Variants in KLF12 observed in about 807,000 individuals in gnomAD.
KLF12 encodes KLF transcription factor 12.
In KLF12, 9 loss-of-function variants were observed where a neutral mutation model predicts 37.8. The ratio of observed to expected loss-of-function variants is 0.24; its 90% CI spans 0.14 to 0.42. The LOEUF (loss-of-function observed/expected upper bound fraction) is 0.42. Among genes scored for constraint, KLF12 ranks in the 10% least tolerant of loss-of-function variants. KLF12 has a pLI of 1.00. For missense variants in KLF12, 411 were observed against 516.0 expected (o/e 0.80, Z 1.97); for synonymous variants, 208 against 202.1 (o/e 1.03, Z -0.25).
chr13:74,264,312 G>C, the KLF12 span, among the ~76,000 whole-genome samples: 1 of 152,168 alleles, frequency 6.6e-6, no homozygotes, highest in South Asian at 2.1e-4. Context: ...CTTAAGCTTA[G>C]GGAACTTTAC....
chr13:74,202,691 T>C, the KLF12 span, among the ~76,000 whole-genome samples: 1 of 152,122 alleles, frequency 6.6e-6, no homozygotes, highest in Non-Finnish European at 1.5e-5. Flanking sequence ...ATAGATCAGC[T>C]CCCTAACCCC....
rs569734707 is a variant in KLF12, at chr13:74,082,678, C to T, written c.-32+51061G>A. ...TTGTATAAGATGAGTATCTAGTTTGCTATTTCTGGCAAAAGGGCAGGGAAC... is the reference window on the plus strand; with the variant it reads ...TTGTATAAGATGAGTATCTAGTTTGTTATTTCTGGCAAAAGGGCAGGGAAC... On this transcript the variant is annotated intron_variant, in intron 1 of 7. Coordinates refer to ENST00000377669, the MANE Select transcript of KLF12 (RefSeq NM_007249.5). Among the ~76,000 whole-genome samples the T allele has an allele frequency of 2.7e-3, 409 of 152,206 alleles. 1 individual carries two copies. Among genetic ancestry groups the T allele is most frequent in the Non-Finnish European group, 5.1e-3 (346 of 68,014 alleles).
At chr13:73,812,406 G>A (rs1594119994) in intron 5 of KLF12, among the ~76,000 whole-genome samples, 2 of 132,338 alleles carry the variant, frequency 1.5e-5, no homozygotes, top group East Asian at 2.0e-4. Flanking sequence ...AACTATGTAA[G>A]GTGAGGAATG....
At chr13:73,871,649 A>G (rs976871911) in intron 3 of KLF12, among the ~76,000 whole-genome samples, 1 of 151,938 alleles carries the variant, frequency 6.6e-6, no homozygotes, top group African/African-American at 2.4e-5. Flanking sequence ...TCTGAACACA[A>G]TTTTCTCCCA....
At chr13:73,953,970 C>CTTTTTTTTTTTTT (rs67945624) in intron 2 of KLF12, among the ~76,000 whole-genome samples, 3 of 88,534 alleles carry the variant, frequency 3.4e-5, no homozygotes, top group Non-Finnish European at 2.2e-5. Context: ...TTTTTTCTTT[C>CTTTTTTTTTTTTT]TTTTTTTTTT....
At chr13:74,057,555 A>G (rs1370604184) in intron 1 of KLF12, among the ~76,000 whole-genome samples, 1 of 152,248 alleles carries the variant, frequency 6.6e-6, no homozygotes, top group African/African-American at 2.4e-5. Flanking sequence ...AATTTTGACC[A>G]TATCAATCAG....
intron 3 of KLF12, among the ~76,000 whole-genome samples, chr13:73,923,443 T>C (rs184902215): frequency 7.9e-5 from 12 of 152,314 alleles, no homozygotes; most frequent in Admixed American, 3.9e-4. Context: ...AGAATGTATA[T>C]GTATCTACTA....
At position 74,095,378 on chromosome 13, in the gene KLF12, C is replaced by T. The variant is rs556867994; in HGVS notation, c.-32+38361G>A. On this transcript the variant is annotated intron_variant, in intron 1 of 7. Transcript: ENST00000377669. ...TTGTTACAGTGAATACTTGTAGTGC[C>T]TTTTTTATCGTATTTTTTTTTCCTT... 4.5e-5 allele frequency among the ~76,000 whole-genome samples: 6 copies of T among 134,798 alleles called. No individual in the cohort carries two copies. The South Asian group carries it at 1.6e-3, about 35-fold the overall frequency. 88.4% of individuals were successfully genotyped at this position (134,798 alleles called of 152,430 possible). A position where few individuals can be genotyped will look rare whatever the true frequency, so the allele number is the denominator to read the frequency against.
the KLF12 span, among the ~76,000 whole-genome samples, chr13:74,187,304 A>G: frequency 6.6e-6 from 1 of 152,060 alleles, no homozygotes; most frequent in African/African-American, 2.4e-5. Flanking sequence ...AGCCTGGGTG[A>G]CAGAGGGAGA....
chr13:73,811,887 C>T (rs1254373143), intron 5 of KLF12, among the ~76,000 whole-genome samples: 4 of 152,118 alleles, frequency 2.6e-5, no homozygotes, highest in Non-Finnish European at 5.9e-5. Context: ...CAGACATACA[C>T]TTATGCTGTG....
chr13:73,978,066 G>A (rs1157013114), intron 2 of KLF12, among the ~76,000 whole-genome samples: 5 of 152,124 alleles, frequency 3.3e-5, no homozygotes, highest in African/African-American at 1.2e-4. Flanking sequence ...GTTCAAAGAT[G>A]ATTTTTTTAG....
At chr13:74,181,458 G>A in the KLF12 span, among the ~76,000 whole-genome samples, 10 of 151,204 alleles carry the variant, frequency 6.6e-5, no homozygotes, top group East Asian at 1.2e-3. Flanking sequence ...GGAGGCAGGC[G>A]GATCACTTGA....
intron 1 of KLF12, among the ~76,000 whole-genome samples, chr13:74,011,982 T>C (rs1331696710): frequency 1.3e-5 from 2 of 152,196 alleles, no homozygotes; most frequent in Non-Finnish European, 2.9e-5. Context: ...TTTCAAACCC[T>C]TGTATGACAC....
In KLF12 at chr13:73,692,450, C is replaced by T. The variant is rs1790752004; in HGVS notation, c.*3040G>A. The T allele has an allele frequency of 6.6e-6, 1 of 152,586 alleles. No homozygotes were observed. The highest frequency in any genetic ancestry group is 2.4e-5 in the African/African-American group (1 of 41,442). 9.5% of individuals were successfully genotyped at this position (152,586 alleles called of 1,614,324 possible). On this transcript the variant is annotated 3_prime_UTR_variant, in exon 8 of 8. Transcript: ENST00000377669. ...TATAAGTTCCCAACCATGCACATAT[C>T]CCCAGCTGCAAACTGAACAGCTTCA...
In KLF12 at chr13:73,817,349, C is replaced by CAA. The variant is rs71199824; in HGVS notation, c.671-4064_671-4063dup. On this transcript the variant is annotated intron_variant, in intron 4 of 7. Transcript: ENST00000377669. Reference sequence around the variant, plus strand: ...AAAAAGAAAAGAAAAAAAAGAAAAACAAAAAAAAAAAAGAAAGAAAAAGAC... The same window carrying CAA: ...AAAAAGAAAAGAAAAAAAAGAAAAACAAAAAAAAAAAAAAGAAAGAAAAAGAC... Among the ~76,000 whole-genome samples, 59 of 132,542 alleles carry CAA rather than the reference C, an allele frequency of 4.5e-4. 1 individual carries two copies. In the East Asian group the frequency reaches 7.3e-3, roughly 16 times the overall value. The allele number at this position is 132,542 out of a possible 152,430, so 87.0% of individuals were successfully genotyped here.
the KLF12 span, among the ~76,000 whole-genome samples, chr13:74,278,687 C>A: frequency 1.3e-5 from 2 of 152,176 alleles, no homozygotes; most frequent in African/African-American, 2.4e-5. Context: ...CACCCGCTGC[C>A]TTTTCTCACC....
chr13:74,242,433 T>C, the KLF12 span, among the ~76,000 whole-genome samples: 1 of 152,216 alleles, frequency 6.6e-6, no homozygotes, highest in African/African-American at 2.4e-5. Context: ...AAACCCCTTA[T>C]AAAACCATCA....
intron 3 of KLF12, among the ~76,000 whole-genome samples, chr13:73,898,887 G>A (rs972745507): frequency 2.6e-5 from 4 of 152,198 alleles, no homozygotes; most frequent in South Asian, 4.1e-4. Flanking sequence ...CCCTCCTTAC[G>A]GCATTACAAT....
At chr13:74,217,976 G>T in the KLF12 span, among the ~76,000 whole-genome samples, 1 of 152,110 alleles carries the variant, frequency 6.6e-6, no homozygotes, top group Non-Finnish European at 1.5e-5. Context: ...TCCTTCCATG[G>T]CTCTGGTTGT....
Sources: allele counts gnomAD v4.1 joint callset (sites outside exome capture counted in the v4.1 genomes callset), GRCh38; gene constraint gnomAD v4.1.1; transcripts MANE v1.5; gene names NCBI Gene and HGNC (gene_info 2026-07-23, HGNC 2026-07-21).